The following NAT10 variants were observed in gnomAD, a reference collection of about 807,000 sequenced individuals.
NAT10 encodes RNA cytidine acetyltransferase.
In NAT10, 109 loss-of-function variants were observed where a neutral mutation model predicts 132.2. The ratio of observed to expected loss-of-function variants is 0.82; its 90% CI spans 0.71 to 0.97. The LOEUF (loss-of-function observed/expected upper bound fraction) is 0.97. Among genes scored for constraint, NAT10 ranks in the 50% least tolerant of loss-of-function variants. NAT10 has a pLI of 0.00. For missense variants in NAT10, 1,184 were observed against 1,263.4 expected (o/e 0.94, Z 0.95); for synonymous variants, 479 against 478.0 (o/e 1.00, Z -0.03).
In NAT10 at chr11:34,146,432, C is replaced by G. The variant is rs1220545290; in HGVS notation, c.*240C>G. ...TGCCATCTCTAGAATTGCCACGAGT[C>G]TCTCTCTTCCTGCCCAGTCCAGGGC... On this transcript the variant is annotated 3_prime_UTR_variant, in exon 29 of 29. Coordinates refer to ENST00000257829, the MANE Select transcript of NAT10 (RefSeq NM_024662.3). 2.4e-6 allele frequency: 1 copy of G among 408,520 alleles called. No homozygotes were observed. Among genetic ancestry groups the G allele is most frequent in the Non-Finnish European group, 4.4e-6 (1 of 227,332 alleles). 25.3% of individuals were successfully genotyped at this position (408,520 alleles called of 1,614,324 possible). A position where few individuals can be genotyped will look rare whatever the true frequency, so the allele number is the denominator to read the frequency against.
intron 1 of NAT10, among the ~76,000 whole-genome samples, chr11:34,107,855 C>G (rs1590757430): frequency 2.0e-5 from 3 of 152,374 alleles, no homozygotes; most frequent in Admixed American, 2.0e-4. Context: ...AGCCTGGCGA[C>G]AGAGTGAGAC....
At chr11:34,133,510 A>G (rs2132968598) in intron 16 of NAT10, among the ~76,000 whole-genome samples, 1 of 152,330 alleles carries the variant, frequency 6.6e-6, no homozygotes, top group South Asian at 2.1e-4. Flanking sequence ...GCATGGATGT[A>G]TTTATGCATT....
rs143536139 is a variant in NAT10, at chr11:34,106,564, A to G, written c.-16+772A>G. Among the ~76,000 whole-genome samples the G allele has an allele frequency of 1.1e-4, 17 of 152,264 alleles. No individual in the cohort carries two copies. The East Asian group carries it at 3.3e-3, about 29-fold the overall frequency. ...GGGGCTCCCACAGTAGCTAGAGCAA[A>G]AGGCAGCCCCCATTAATTAGTTGTT... is the stretch of plus-strand genomic sequence containing the variant. On this transcript the variant is annotated intron_variant, in intron 1 of 28. Coordinates refer to ENST00000257829, the MANE Select transcript of NAT10 (RefSeq NM_024662.3).
chr11:34,120,533 C>G (rs1345778386), intron 8 of NAT10, among the ~76,000 whole-genome samples: 1 of 152,216 alleles, frequency 6.6e-6, no homozygotes, highest in Non-Finnish European at 1.5e-5. Context: ...CCCTCAAACA[C>G]CTATTCCCAG....
intron 12 of NAT10, among the ~76,000 whole-genome samples, chr11:34,128,362 CAAAAAAA>C (rs914837839): frequency 4.5e-5 from 3 of 67,240 alleles, no homozygotes; most frequent in East Asian, 3.6e-4. Context: ...AAAAACAAAA[CAAAAAAA>C]AAAAAAAAAG....
Position 34,118,299 on chromosome 11 carries a change from GTC to G in NAT10, c.672+7_672+8del, listed in dbSNP as rs1194403909. ...GCCCTGCCTCCCCAGACTCCGGTGA[GTC>G]TGTGCTGGGGTCCAGGAATCTGGGG... On this transcript the variant is annotated splice_donor_region_variant and intron_variant, in intron 7 of 28. Transcript: ENST00000257829. 3 of 1,613,504 alleles carry G rather than the reference GTC, an allele frequency of 1.9e-6. No homozygotes were observed. The highest frequency in any genetic ancestry group is 2.5e-6 in the Non-Finnish European group (3 of 1,179,530).
rs145199741 is a variant in NAT10, at chr11:34,145,729, G to A, written c.2970-355G>A. 5.0e-3 allele frequency among the ~76,000 whole-genome samples: 765 copies of A among 152,288 alleles called. 9 individuals are homozygous for A. The highest frequency in any genetic ancestry group is 0.017 in the African/African-American group (727 of 41,548). ...GTCTAGTTTCCAGAGTCACTGCAGTGGTGAGAGTGGTGGTGGGGAATCCTT... is the reference window on the plus strand; with the variant it reads ...GTCTAGTTTCCAGAGTCACTGCAGTAGTGAGAGTGGTGGTGGGGAATCCTT... On this transcript the variant is annotated intron_variant, in intron 28 of 28. Coordinates refer to ENST00000257829, the MANE Select transcript of NAT10 (RefSeq NM_024662.3).
intron 16 of NAT10, among the ~76,000 whole-genome samples, chr11:34,134,035 G>C (rs2132969350): frequency 6.6e-6 from 1 of 152,064 alleles, no homozygotes; most frequent in East Asian, 1.9e-4. Context: ...GTGGTGGTAG[G>C]CACCTGTAGT....
In NAT10 at chr11:34,139,394, G is replaced by T; in HGVS notation, c.2318G>T (p.Arg773Leu). The change falls in exon 23 of 29, where the codon CGG (arginine) becomes CTG (leucine). Residue 773 changes from arginine to leucine, a missense_variant. Physicochemically the swap from Arg to Leu is moderately radical, Grantham distance 102. Coordinates refer to ENST00000257829, the MANE Select transcript of NAT10 (RefSeq NM_024662.3). The part of the protein sequence containing the change: ...WLAAFWKDFR[R>L]RFLALLSYQF... Reference sequence around the variant, plus strand: ...TGATGGCACCCCACAGATTTCCGACGGCGGTTCCTAGCCTTGCTCTCCTAC... The same window carrying T: ...TGATGGCACCCCACAGATTTCCGACTGCGGTTCCTAGCCTTGCTCTCCTAC... The T allele has an allele frequency of 6.2e-7, 1 of 1,614,106 alleles. No individual in the cohort carries two copies. Among genetic ancestry groups the T allele is most frequent in the Non-Finnish European group, 8.5e-7 (1 of 1,180,004 alleles).
At chr11:34,141,425 C>T (rs1852328635) in intron 25 of NAT10, among the ~76,000 whole-genome samples, 1 of 151,474 alleles carries the variant, frequency 6.6e-6, no homozygotes, top group South Asian at 2.1e-4. Context: ...CACACACACA[C>T]ACACACACAC....
intron 16 of NAT10, among the ~76,000 whole-genome samples, chr11:34,133,526 A>G (rs982074406): frequency 6.6e-6 from 1 of 152,234 alleles, no homozygotes; most frequent in Non-Finnish European, 1.5e-5. Context: ...GCATTTCTAT[A>G]TCACTTTTCC....
chr11:34,133,188 T>G lies in NAT10; in HGVS notation c.1734+46T>G, dbSNP rs142323708. ...TTGTGGCAGTGATTTGGGGAACCACTGAGGCATCAGGAATTAGTGGCTTAA... is the reference window on the plus strand; with the variant it reads ...TTGTGGCAGTGATTTGGGGAACCACGGAGGCATCAGGAATTAGTGGCTTAA... On this transcript the variant is annotated intron_variant, in intron 16 of 28. Transcript: ENST00000257829. 3.8e-4 allele frequency: 540 copies of G among 1,415,834 alleles called. 6 individuals are homozygous for G. The East Asian group carries it at 0.012, about 32-fold the overall frequency. 87.7% of individuals were successfully genotyped at this position (1,415,834 alleles called of 1,614,324 possible).
At chr11:34,128,601 G>A (rs1240296629) in intron 12 of NAT10, among the ~76,000 whole-genome samples, 6 of 152,182 alleles carry the variant, frequency 3.9e-5, no homozygotes, top group African/African-American at 1.2e-4. Context: ...AGATTATTCT[G>A]TATGCAGATT....
chr11:34,118,580 G>C, intron 8 of NAT10, 77 bp downstream of exon 8: 1 of 1,187,160 alleles, frequency 8.4e-7, no homozygotes, highest in Non-Finnish European at 1.2e-6. Context: ...GCCAAGGTAC[G>C]TTGACTCAAG....
At chr11:34,109,639 G>A (rs1461038044) in intron 3 of NAT10, among the ~76,000 whole-genome samples, 2 of 152,170 alleles carry the variant, frequency 1.3e-5, no homozygotes, top group East Asian at 3.9e-4. Context: ...AAGACTTTTA[G>A]TCATAGATAA....
Position 34,123,794 on chromosome 11 carries a change from C to G in NAT10, c.947C>G (p.Pro316Arg). ...YSNIFVTSPS[P>R]DNLHTLFEFV... is the part of the protein sequence containing the mutation. ...AATATCTTTGTTACCTCCCCAAGCC[C>G]TGATAACCTCCATACTCTGTTTGAA... is the stretch of plus-strand genomic sequence containing the variant. The change falls in exon 10 of 29, where the codon CCT becomes CGT. Residue 316 changes from proline to arginine, a missense_variant. Transcript: ENST00000257829. 1 of 1,611,062 alleles carries G rather than the reference C, an allele frequency of 6.2e-7. No homozygotes were observed. Among genetic ancestry groups the G allele is most frequent in the Non-Finnish European group, 8.5e-7 (1 of 1,177,204 alleles).
intron 5 of NAT10, among the ~76,000 whole-genome samples, chr11:34,115,386 C>T (rs1025567447): frequency 1.3e-5 from 2 of 152,164 alleles, no homozygotes; most frequent in Admixed American, 1.3e-4. Flanking sequence ...TCCCTCACTA[C>T]CCTACATAAG....
At chr11:34,131,625 T>G (rs1007817270) in intron 14 of NAT10, 94 bp downstream of exon 14, 1 of 1,303,668 alleles carries the variant, frequency 7.7e-7, no homozygotes, top group East Asian at 2.6e-5. Flanking sequence ...AGGATGCTGC[T>G]CTAGAGAAAG....
At chr11:34,107,572 T>C (rs2134149349) in intron 1 of NAT10, among the ~76,000 whole-genome samples, 1 of 152,354 alleles carries the variant, frequency 6.6e-6, no homozygotes, top group African/African-American at 2.4e-5. Context: ...GCATAAGAAA[T>C]GTTATCATAC....
Sources: allele counts gnomAD v4.1 joint callset (sites outside exome capture counted in the v4.1 genomes callset), GRCh38; gene constraint gnomAD v4.1.1; transcripts MANE v1.5; gene names NCBI Gene and HGNC (gene_info 2026-07-23, HGNC 2026-07-21).